The following TENM4 variants were observed in gnomAD, a reference collection of about 807,000 sequenced individuals.
The protein encoded by TENM4 is teneurin transmembrane protein 4.
A neutral mutation model predicts 243.3 loss-of-function variants in TENM4; 82 were observed. The observed-to-expected ratio is 0.34, with a 90% CI of 0.28 to 0.40. The LOEUF (loss-of-function observed/expected upper bound fraction) is 0.40, where lower values mean the gene tolerates loss of function less well. Among genes scored for constraint, TENM4 ranks in the 10% least tolerant of loss-of-function variants. The pLI is 1.00. For missense variants in TENM4, 3,138 were observed against 3,673.3 expected (o/e 0.85, Z 3.77); for synonymous variants, 1,412 against 1,456.3 (o/e 0.97, Z 0.69).
intron 4 of TENM4, among the ~76,000 whole-genome samples, chr11:79,125,238 A>AT (rs1861849833): frequency 6.6e-6 from 1 of 152,118 alleles, no homozygotes; most frequent in Admixed American, 6.5e-5. Flanking sequence ...ACTTTTGAAC[A>AT]TATGTGGAGA....
At chr11:79,340,727 T>A (rs1511232) in intron 1 of TENM4, among the ~76,000 whole-genome samples, 48,935 of 151,878 alleles carry the variant, frequency 0.32, 8,088 homozygotes, top group African/African-American at 0.39. Flanking sequence ...TTCCTGCACA[T>A]CCATCTGGCA....
chr11:79,129,757 A>G (rs190327968), intron 4 of TENM4, among the ~76,000 whole-genome samples: 1 of 152,224 alleles, frequency 6.6e-6, no homozygotes, highest in East Asian at 1.9e-4. Flanking sequence ...CTGAGCTCAG[A>G]CATGCCTAGC....
rs577358265 is a variant in TENM4 at position 78,794,965 on chromosome 11, A to G, written c.2180-7882T>C. 2.6e-5 allele frequency among the ~76,000 whole-genome samples: 4 copies of G among 152,324 alleles called. No homozygotes were observed. The South Asian group carries it at 6.2e-4, about 24-fold the overall frequency. On this transcript the variant is annotated intron_variant, in intron 15 of 33. Transcript: ENST00000278550. Reference sequence around the variant, plus strand: ...GTAGGAACTTGCTGGCTGCCTTGGCAAACAGTCAATGTAAGGGGGCAGCTG... The same window carrying G: ...GTAGGAACTTGCTGGCTGCCTTGGCGAACAGTCAATGTAAGGGGGCAGCTG...
intron 2 of TENM4, among the ~76,000 whole-genome samples, chr11:79,258,037 A>G (rs546114012): frequency 6.6e-6 from 1 of 152,300 alleles, no homozygotes; most frequent in East Asian, 1.9e-4. Flanking sequence ...TCCATGGTAC[A>G]GACAGGTTGG....
intron 1 of TENM4, among the ~76,000 whole-genome samples, chr11:79,362,959 C>T (rs1857616163): frequency 6.6e-6 from 1 of 152,176 alleles, no homozygotes; most frequent in African/African-American, 2.4e-5. Flanking sequence ...TCAGCAGTGG[C>T]AATAATGTTG....
At chr11:79,232,719 C>G (rs1864394575) in intron 2 of TENM4, among the ~76,000 whole-genome samples, 1 of 152,210 alleles carries the variant, frequency 6.6e-6, no homozygotes, top group Admixed American at 6.5e-5. Flanking sequence ...TGATTCCGAA[C>G]TCTTGTGGGT....
intron 28 of TENM4, among the ~76,000 whole-genome samples, chr11:78,699,650 G>T (rs1385833011): frequency 2.6e-5 from 4 of 152,174 alleles, no homozygotes; most frequent in Non-Finnish European, 2.9e-5. Context: ...TTATAAAAAA[G>T]CAATTGTAAA....
chr11:79,136,289 A>G (rs1303103328), intron 4 of TENM4, among the ~76,000 whole-genome samples: 1 of 152,158 alleles, frequency 6.6e-6, no homozygotes, highest in Non-Finnish European at 1.5e-5. Flanking sequence ...AGTGCTCACC[A>G]ATGGGTGACC....
chr11:79,054,032 T>A (rs1038980609), intron 6 of TENM4, among the ~76,000 whole-genome samples: 1 of 152,216 alleles, frequency 6.6e-6, no homozygotes, highest in Non-Finnish European at 1.5e-5. Context: ...GTTGCCTTTG[T>A]GCTCAGTGGA....
chr11:78,888,143 C>T (rs1011674275), intron 9 of TENM4, among the ~76,000 whole-genome samples: 12 of 152,230 alleles, frequency 7.9e-5, no homozygotes, highest in African/African-American at 2.4e-4. Flanking sequence ...CCCAGTCTGG[C>T]TGTTTCATTT....
intron 1 of TENM4, among the ~76,000 whole-genome samples, chr11:79,330,979 A>G (rs1169674442): frequency 6.6e-6 from 1 of 152,220 alleles, no homozygotes; most frequent in Non-Finnish European, 1.5e-5. Context: ...ACATGAATAA[A>G]GTGAAACTCA....
At chr11:78,820,270 T>C (rs1053451940) in intron 12 of TENM4, among the ~76,000 whole-genome samples, 7 of 152,360 alleles carry the variant, frequency 4.6e-5, no homozygotes, top group South Asian at 2.1e-4. Flanking sequence ...GTCACCATTT[T>C]ACAGTCTTAG....
At chr11:79,135,667 TATATG>T (rs1862093252) in intron 4 of TENM4, among the ~76,000 whole-genome samples, 2 of 139,742 alleles carry the variant, frequency 1.4e-5, no homozygotes, top group South Asian at 4.2e-4. Flanking sequence ...TACACACACA[TATATG>T]ATATATCATA....
intron 6 of TENM4, among the ~76,000 whole-genome samples, chr11:79,055,139 A>C (rs1017193483): frequency 4.0e-5 from 6 of 151,826 alleles, no homozygotes; most frequent in African/African-American, 1.2e-4. Context: ...AAAAAAAAAA[A>C]AACCTGTAAC....
chr11:79,398,688 A>G (rs2135552162), intron 1 of TENM4, among the ~76,000 whole-genome samples: 1 of 151,502 alleles, frequency 6.6e-6, no homozygotes, highest in Middle Eastern at 3.4e-3. Flanking sequence ...TGTATTCAAT[A>G]AATATATTTT....
intron 27 of TENM4, among the ~76,000 whole-genome samples, chr11:78,704,005 CCACA>C (rs146417954): frequency 3.0e-5 from 4 of 132,950 alleles, no homozygotes; most frequent in Non-Finnish European, 6.3e-5. Context: ...GCATGTGCCA[CCACA>C]CACACACACA....
At chr11:79,033,855 A>G (rs1859309282) in intron 6 of TENM4, among the ~76,000 whole-genome samples, 1 of 152,258 alleles carries the variant, frequency 6.6e-6, no homozygotes, top group Non-Finnish European at 1.5e-5. Flanking sequence ...AGATACAAAT[A>G]AACTACATTT....
chr11:78,698,604 A>C (rs1275953940), intron 28 of TENM4, among the ~76,000 whole-genome samples: 1 of 152,226 alleles, frequency 6.6e-6, no homozygotes, highest in Non-Finnish European at 1.5e-5. Context: ...ATCTGTCCAA[A>C]TCCTTGTTAA....
At position 79,254,377 on chromosome 11, in the gene TENM4, T is replaced by C. The variant is rs550402102; in HGVS notation, c.-264-38468A>G. On this transcript the variant is annotated intron_variant, in intron 2 of 33. Transcript: ENST00000278550. ...GATAGTGAAACACCTCCTAGGTACG[T>C]TGTCAAAGGGAAAACCCAAGAACAG... 6.6e-5 allele frequency among the ~76,000 whole-genome samples: 10 copies of C among 152,328 alleles called. No homozygotes were observed. The East Asian group carries it at 1.7e-3, about 26-fold the overall frequency.
Sources: allele counts gnomAD v4.1 joint callset (sites outside exome capture counted in the v4.1 genomes callset), GRCh38; gene constraint gnomAD v4.1.1; transcripts MANE v1.5; gene names NCBI Gene and HGNC (gene_info 2026-07-23, HGNC 2026-07-21).